CTNNA2: variants seen among roughly 807,000 people sequenced by gnomAD.
The protein encoded by CTNNA2 is catenin alpha-2.
A neutral mutation model predicts 101.0 loss-of-function variants in CTNNA2; 42 were observed. The ratio of observed to expected loss-of-function variants is 0.42; its 90% CI spans 0.32 to 0.54. The LOEUF is 0.54. CTNNA2 is among the 20% of genes least tolerant of loss of function. The probability of loss-of-function intolerance (pLI) is 0.14; values close to 1 mark genes in which losing one functional copy is unlikely to be tolerated. For missense variants in CTNNA2, 871 were observed against 1,223.1 expected (o/e 0.71, Z 4.29); for synonymous variants, 450 against 456.4 (o/e 0.99, Z 0.18).
rs1056630119 is a variant in CTNNA2 at position 80,041,272 on chromosome 2, T to TA, written c.1056+131475_1056+131476insA. On this transcript the variant is annotated intron_variant, in intron 7 of 18. Coordinates refer to ENST00000402739, the MANE Select transcript of CTNNA2 (RefSeq NM_001282597.3). Reference sequence around the variant, plus strand: ...GAAAGGAGGCAGAGTAATTTTTATTTTTTTTTTTTTACTTATCGGCTACAT... The same window carrying TA: ...GAAAGGAGGCAGAGTAATTTTTATTTATTTTTTTTTTACTTATCGGCTACAT... Among the ~76,000 whole-genome samples, 93 of 151,710 alleles carry TA rather than the reference T, an allele frequency of 6.1e-4. 1 individual carries two copies. The highest frequency in any genetic ancestry group is 1.8e-3 in the African/African-American group (75 of 41,466).
chr2:79,408,450 C>A, intron 4 of CTNNA2, among the ~76,000 whole-genome samples: 1 of 129,830 alleles, frequency 7.7e-6, no homozygotes, highest in Non-Finnish European at 1.6e-5. Flanking sequence ...GCTATCCCTC[C>A]CCCCTCCCCT....
chr2:80,127,844 G>A (rs964389413), intron 7 of CTNNA2, among the ~76,000 whole-genome samples: 1 of 152,122 alleles, frequency 6.6e-6, no homozygotes, highest in Non-Finnish European at 1.5e-5. Context: ...TTAGCCTAAA[G>A]AGGGACATTT....
intron 3 of CTNNA2, among the ~76,000 whole-genome samples, chr2:79,834,523 T>G (rs1017789855): frequency 1.3e-5 from 2 of 152,132 alleles, no homozygotes; most frequent in Non-Finnish European, 2.9e-5. Context: ...GCTTTTCATA[T>G]CTTTATTAGT....
rs141582015 is a variant in CTNNA2 at position 79,550,101 on chromosome 2, C to T, written c.-6+36894C>T. Among the ~76,000 whole-genome samples the T allele has an allele frequency of 1.4e-4, 22 of 152,204 alleles. 1 individual carries two copies. In the East Asian group the frequency reaches 4.3e-3, roughly 29 times the overall value. ...GAGGTAGGAGGTGAGGGAGGGGGCA[C>T]AATAATGTTTCAGTTCCCTGGATAT... is the stretch of plus-strand genomic sequence containing the variant. On this transcript the variant is annotated intron_variant, in intron 1 of 18. Transcript: ENST00000402739.
intron 18 of CTNNA2, among the ~76,000 whole-genome samples, chr2:80,634,907 G>A (rs1003892967): frequency 3.3e-5 from 5 of 152,094 alleles, no homozygotes; most frequent in African/African-American, 1.2e-4. Flanking sequence ...AGATGAAGAG[G>A]CATGCACGAG....
intron 18 of CTNNA2, among the ~76,000 whole-genome samples, chr2:80,639,786 A>G (rs1185869448): frequency 1.3e-5 from 2 of 152,216 alleles, no homozygotes; most frequent in African/African-American, 4.8e-5. Context: ...AAATAAAAGC[A>G]TAAATGCAAC....
chr2:79,301,679 T>C (rs547287766), intron 2 of CTNNA2, among the ~76,000 whole-genome samples: 19 of 152,206 alleles, frequency 1.2e-4, no homozygotes, highest in Admixed American at 5.9e-4. Context: ...CTGTCTCCCC[T>C]TGAGTACAGT....
At chr2:80,502,727 C>T (rs966843081) in intron 9 of CTNNA2, among the ~76,000 whole-genome samples, 1 of 152,138 alleles carries the variant, frequency 6.6e-6, no homozygotes, top group South Asian at 2.1e-4. Flanking sequence ...TCCATGTGTA[C>T]CCTCGTGGTT....
At chr2:80,565,121 A>C (rs1460367783) in intron 12 of CTNNA2, among the ~76,000 whole-genome samples, 1 of 149,602 alleles carries the variant, frequency 6.7e-6, no homozygotes, top group African/African-American at 2.6e-5. Flanking sequence ...GTGGCTGAGT[A>C]GAAACTGTGT....
At chr2:80,419,915 G>A (rs1437320591) in intron 9 of CTNNA2, among the ~76,000 whole-genome samples, 2 of 151,534 alleles carry the variant, frequency 1.3e-5, no homozygotes, top group Non-Finnish European at 2.9e-5. Flanking sequence ...GTTTTGATTT[G>A]AGGGAGTAAA....
chr2:80,146,223 C>T (rs1465802908), intron 7 of CTNNA2, among the ~76,000 whole-genome samples: 1 of 152,164 alleles, frequency 6.6e-6, no homozygotes, highest in Admixed American at 6.6e-5. Flanking sequence ...GTTCTGCAGC[C>T]CTAGCCAATA....
chr2:80,353,444 C>A (rs1000455856), intron 7 of CTNNA2, among the ~76,000 whole-genome samples: 4 of 152,096 alleles, frequency 2.6e-5, no homozygotes, highest in Non-Finnish European at 5.9e-5. Context: ...CTATTCTCTC[C>A]TTTCTACTAT....
intron 7 of CTNNA2, among the ~76,000 whole-genome samples, chr2:80,160,920 A>G (rs1034114515): frequency 1.3e-5 from 2 of 152,036 alleles, no homozygotes; most frequent in African/African-American, 2.4e-5. Flanking sequence ...GATACATTAT[A>G]TCAGGTTGAA....
At chr2:80,233,989 T>C (rs1709402830) in intron 7 of CTNNA2, among the ~76,000 whole-genome samples, 5 of 152,150 alleles carry the variant, frequency 3.3e-5, no homozygotes, top group South Asian at 4.1e-4. Context: ...TTTGACTAAG[T>C]AGATTTTTAC....
chr2:79,595,390 TGAGCCTTCA>T (rs1677124878), intron 1 of CTNNA2, among the ~76,000 whole-genome samples: 1 of 152,180 alleles, frequency 6.6e-6, no homozygotes, highest in African/African-American at 2.4e-5. Flanking sequence ...AACTCTCTCC[TGAGCCTTCA>T]GACCACTTTC....
At chr2:79,656,939 C>T (rs1681650796) in intron 2 of CTNNA2, among the ~76,000 whole-genome samples, 1 of 151,382 alleles carries the variant, frequency 6.6e-6, no homozygotes, top group Non-Finnish European at 1.5e-5. Flanking sequence ...AAAGAAGATC[C>T]CTTCCTAACA....
intron 9 of CTNNA2, among the ~76,000 whole-genome samples, chr2:80,530,544 AG>A (rs1690450856): frequency 6.6e-6 from 1 of 152,190 alleles, no homozygotes; most frequent in African/African-American, 2.4e-5. Flanking sequence ...GACATTAGAT[AG>A]CCAGGAAACG....
chr2:80,544,298 A>AG (rs774006300), intron 9 of CTNNA2, among the ~76,000 whole-genome samples: 1 of 151,680 alleles, frequency 6.6e-6, no homozygotes, highest in African/African-American at 2.4e-5. Flanking sequence ...GGAACCAAGG[A>AG]GGGGGAAAAA....
intron 2 of CTNNA2, among the ~76,000 whole-genome samples, chr2:79,732,544 T>C (rs1023857302): frequency 1.3e-5 from 2 of 152,108 alleles, no homozygotes; most frequent in Admixed American, 6.6e-5. Flanking sequence ...ATGTATGTGT[T>C]ATTTATTTTT....
Sources: allele counts gnomAD v4.1 joint callset (sites outside exome capture counted in the v4.1 genomes callset), GRCh38; gene constraint gnomAD v4.1.1; transcripts MANE v1.5; gene names NCBI Gene and HGNC (gene_info 2026-07-23, HGNC 2026-07-21).